Variants in B9D1 observed in about 807,000 individuals in gnomAD.
The protein encoded by B9D1 is B9 domain containing 1.
Under a neutral mutation model 26.1 loss-of-function variants are expected in B9D1, and 20 were observed. The observed-to-expected ratio is 0.77, with a 90% CI of 0.54 to 1.12. The LOEUF (loss-of-function observed/expected upper bound fraction) is 1.12, where lower values mean the gene tolerates loss of function less well. Among genes scored for constraint, B9D1 ranks in the 50% most tolerant of loss-of-function variants. The probability of loss-of-function intolerance (pLI) is 0.00; values close to 1 mark genes in which losing one functional copy is unlikely to be tolerated. For synonymous variants in B9D1, 105 were observed against 103.1 expected, an observed-to-expected ratio of 1.02 and a Z score of -0.11; for missense variants, 260 against 273.7, an observed-to-expected ratio of 0.95 and a Z score of 0.35.
chr17:19,349,314 C>G (rs565053868), intron 3 of B9D1, among the ~76,000 whole-genome samples: 8 of 152,136 alleles, frequency 5.3e-5, no homozygotes, highest in African/African-American at 7.2e-5. Flanking sequence ...TGGATGTCCT[C>G]TTTTGTGAAG....
downstream of B9D1, chr17:19,341,057 G>T: frequency 1.8e-6 from 2 of 1,111,630 alleles, no homozygotes; most frequent in Non-Finnish European, 2.3e-6. Context: ...GGTATGTGGT[G>T]TTCACTGTAA....
At chr17:19,337,787 T>C, downstream of B9D1, 2 of 1,462,200 alleles carry the variant, frequency 1.4e-6, no homozygotes, top group South Asian at 2.4e-5. Flanking sequence ...AGCATAGATT[T>C]CTTACAGCCA....
At position 19,347,073 on chromosome 17, in the gene B9D1, G is replaced by A. The variant is rs557513463; in HGVS notation, c.404+196C>T. Reference sequence around the variant, plus strand: ...CACAGGGCACAGGGTAAAATCGCCCGGCCTTCTGCTGCTGGAACAGGGCTG... The same window carrying A: ...CACAGGGCACAGGGTAAAATCGCCCAGCCTTCTGCTGCTGGAACAGGGCTG... On this transcript the variant is annotated intron_variant, in intron 5 of 6. Transcript: ENST00000261499. The surrounding 1 kb of genome is among the most constrained non-coding windows in gnomAD (Gnocchi z 4.3). 887 of 1,552,354 alleles carry A rather than the reference G, an allele frequency of 5.7e-4. No homozygotes were observed. The highest frequency in any genetic ancestry group is 7.2e-4 in the Non-Finnish European group (823 of 1,148,062).
chr17:19,349,563 G>T (rs1050608037), intron 3 of B9D1, among the ~76,000 whole-genome samples: 6 of 151,696 alleles, frequency 4.0e-5, no homozygotes, highest in Non-Finnish European at 5.9e-5. Context: ...TAAATTTTTT[G>T]TAGAGATGGG....
chr17:19,371,902 C>A (rs1281462668), intron 1 of B9D1, among the ~76,000 whole-genome samples: 1 of 152,170 alleles, frequency 6.6e-6, no homozygotes, highest in Admixed American at 6.5e-5. Flanking sequence ...CTCCTGGATG[C>A]CCCAGCCACA....
At chr17:19,356,024 G>A (rs531611592) in intron 3 of B9D1, among the ~76,000 whole-genome samples, 2 of 152,238 alleles carry the variant, frequency 1.3e-5, no homozygotes, top group African/African-American at 4.8e-5. Context: ...TTATATGCCA[G>A]ATACTACATT....
At chr17:19,358,523 G>A (rs574355174) in intron 2 of B9D1, among the ~76,000 whole-genome samples, 22 of 152,258 alleles carry the variant, frequency 1.4e-4, no homozygotes, top group African/African-American at 5.1e-4. Flanking sequence ...ATTAATGCCC[G>A]TGACCAACAT....
intron 5 of B9D1, among the ~76,000 whole-genome samples, chr17:19,346,103 A>C (rs1567885674): frequency 6.6e-6 from 1 of 152,214 alleles, no homozygotes; most frequent in Non-Finnish European, 1.5e-5. Context: ...GTGGGTCCCC[A>C]GTCTCTTAGG....
chr17:19,375,295 A>AG (rs1912053204), intron 1 of B9D1, among the ~76,000 whole-genome samples: 1 of 149,378 alleles, frequency 6.7e-6, no homozygotes, highest in Non-Finnish European at 1.5e-5. Context: ...CTCAAAAAGA[A>AG]AAAAAAAAAA....
At position 19,377,248 on chromosome 17, in the gene B9D1, C is replaced by G. The variant is rs916165688; in HGVS notation, c.-298+611G>C. Among the ~76,000 whole-genome samples, 4 of 152,160 alleles carry G rather than the reference C, an allele frequency of 2.6e-5. 1 individual carries two copies. The East Asian group carries it at 5.8e-4, about 22-fold the overall frequency. On this transcript the variant is annotated intron_variant, in intron 1 of 5. Coordinates refer to the B9D1 transcript ENST00000477478. ...TCAGATACTTGGTTCACATAGGTTT[C>G]TTTTAGGGGCGATGAAAATGTTCCA...
In B9D1 at chr17:19,347,204, G is replaced by C; in HGVS notation, c.404+65C>G. 1 of 1,614,184 alleles carries C rather than the reference G, an allele frequency of 6.2e-7. No homozygotes were observed. Among genetic ancestry groups the C allele is most frequent in the Non-Finnish European group, 8.5e-7 (1 of 1,180,012 alleles). On this transcript the variant is annotated intron_variant, in intron 5 of 6. Coordinates refer to ENST00000261499, the MANE Select transcript of B9D1 (RefSeq NM_015681.6). The surrounding 1 kb of genome is among the most constrained non-coding windows in gnomAD (Gnocchi z 4.3). ...GAGGCGACCAGGCACAAACTGAGGG[G>C]TAGAATGGGACATCCATTCATCCAG...
intron 3 of B9D1, among the ~76,000 whole-genome samples, chr17:19,351,591 C>A: frequency 6.6e-6 from 1 of 152,092 alleles, no homozygotes; most frequent in East Asian, 1.9e-4. Context: ...ACACTTCTGC[C>A]ATGGAAGGTG....
downstream of B9D1, chr17:19,335,174 TAA>T: frequency 2.9e-6 from 1 of 345,794 alleles, no homozygotes; most frequent in Non-Finnish European, 5.2e-6. Context: ...GATGTTTATT[TAA>T]AAAAAAAACA....
chr17:19,377,296 G>C (rs1405069098), intron 1 of B9D1, among the ~76,000 whole-genome samples: 4 of 152,170 alleles, frequency 2.6e-5, no homozygotes, highest in African/African-American at 9.7e-5. Context: ...CCTAAAATTA[G>C]GTAGTGATGA....
rs1162004200 is a variant in B9D1, at chr17:19,362,708, T to C, written c.-139A>G. The C allele has an allele frequency of 9.4e-5, 136 of 1,444,662 alleles. No individual in the cohort carries two copies. Among genetic ancestry groups the C allele is most frequent in the Non-Finnish European group, 1.2e-4 (133 of 1,088,208 alleles). 89.5% of individuals were successfully genotyped at this position (1,444,662 alleles called of 1,614,324 possible). A position where few individuals can be genotyped will look rare whatever the true frequency, so the allele number is the denominator to read the frequency against. On this transcript the variant is annotated 5_prime_UTR_variant, in exon 1 of 7. Coordinates refer to ENST00000261499, the MANE Select transcript of B9D1 (RefSeq NM_015681.6). ...GACACCTTCGCGAAGGCCACGCGAGTGCGCGTGTGGCATGCGCAGGCGCAG... is the reference window on the plus strand; with the variant it reads ...GACACCTTCGCGAAGGCCACGCGAGCGCGCGTGTGGCATGCGCAGGCGCAG...
downstream of B9D1, among the ~76,000 whole-genome samples, chr17:19,341,506 C>A (rs929416822): frequency 1.3e-5 from 2 of 152,186 alleles, no homozygotes; most frequent in Non-Finnish European, 2.9e-5. Context: ...CTCCCACACA[C>A]CTGAGGCATG....
Position 19,362,719 on chromosome 17 carries a change from C to A in B9D1, c.-150G>T. On this transcript the variant is annotated 5_prime_UTR_variant, in exon 1 of 7. An upstream start codon of the reference 5' UTR is lost. Coordinates refer to ENST00000261499, the MANE Select transcript of B9D1 (RefSeq NM_015681.6). Reference sequence around the variant, plus strand: ...GAAGGCCACGCGAGTGCGCGTGTGGCATGCGCAGGCGCAGTGAACGGGCGC... The same window carrying A: ...GAAGGCCACGCGAGTGCGCGTGTGGAATGCGCAGGCGCAGTGAACGGGCGC... 1 of 1,505,840 alleles carries A rather than the reference C, an allele frequency of 6.6e-7. No homozygotes were observed. Among genetic ancestry groups the A allele is most frequent in the Non-Finnish European group, 8.9e-7 (1 of 1,126,942 alleles). The allele number at this position is 1,505,840 out of a possible 1,614,324, so 93.3% of individuals were successfully genotyped here.
rs551733714 is a variant in B9D1 at position 19,372,094 on chromosome 17, G to C, written c.-298+5765C>G. The C allele has an allele frequency of 6.6e-6, 1 of 152,416 alleles. No homozygotes were observed. Among genetic ancestry groups the C allele is most frequent in the Admixed American group, 6.5e-5 (1 of 15,300 alleles). The allele number at this position is 152,416 out of a possible 1,614,324, so 9.4% of individuals were successfully genotyped here. On this transcript the variant is annotated intron_variant, in intron 1 of 5. Transcript: ENST00000477478. This position sits in a 1 kb window ranked among gnomAD's most constrained non-coding sequence, Gnocchi z 4.4. ...ATCACCCGAGTCCCCCTCAGAGAAAGATGAAGGTAGAAACGCTTACACACT... is the reference window on the plus strand; with the variant it reads ...ATCACCCGAGTCCCCCTCAGAGAAACATGAAGGTAGAAACGCTTACACACT...
At chr17:19,345,350 G>T (rs1041561362) in intron 5 of B9D1, among the ~76,000 whole-genome samples, 3 of 152,170 alleles carry the variant, frequency 2.0e-5, no homozygotes, top group African/African-American at 7.2e-5. Flanking sequence ...TAGGAACACC[G>T]TTTTTCTTGC....
Sources: allele counts gnomAD v4.1 joint callset (sites outside exome capture counted in the v4.1 genomes callset), GRCh38; gene constraint gnomAD v4.1.1; non-coding constraint Gnocchi (gnomAD v3.1); transcripts MANE v1.5; gene names NCBI Gene and HGNC (gene_info 2026-07-23, HGNC 2026-07-21).